The following CRADD variants were observed in gnomAD, a reference collection of about 807,000 sequenced individuals.
CRADD encodes the protein CARD and death domain containing adaptor protein, also known as death domain-containing protein CRADD.
In CRADD, 9 loss-of-function variants were observed where a neutral mutation model predicts 15.5. The ratio of observed to expected loss-of-function variants is 0.58; its 90% CI spans 0.35 to 1.01. CRADD has a LOEUF of 1.01. Among genes scored for constraint, CRADD ranks in the 50% least tolerant of loss-of-function variants. The probability of loss-of-function intolerance (pLI) is 0.02; values close to 1 mark genes in which losing one functional copy is unlikely to be tolerated. For synonymous variants in CRADD, 118 were observed against 107.6 expected, an observed-to-expected ratio of 1.10 and a Z score of -0.60; for missense variants, 227 against 250.3, an observed-to-expected ratio of 0.91 and a Z score of 0.63.
At chr12:93,731,903 G>A (rs542680329) in intron 2 of CRADD, among the ~76,000 whole-genome samples, 1 of 152,294 alleles carries the variant, frequency 6.6e-6, no homozygotes, top group Admixed American at 6.5e-5. Flanking sequence ...TTGGGAGGCT[G>A]AGGCAGGCAG....
At chr12:93,869,472 TAAG>T (rs1958400002) in intron 2 of CRADD, among the ~76,000 whole-genome samples, 1 of 152,094 alleles carries the variant, frequency 6.6e-6, no homozygotes, top group South Asian at 2.1e-4. Context: ...AATTAGCATA[TAAG>T]GACTTTAAAA....
intron 2 of CRADD, among the ~76,000 whole-genome samples, chr12:93,787,523 A>C (rs1252040677): frequency 1.3e-5 from 2 of 151,978 alleles, no homozygotes; most frequent in Non-Finnish European, 2.9e-5. Flanking sequence ...TAGCAAACTC[A>C]GTGTCTTTGT....
At chr12:93,783,619 G>A (rs980513369) in intron 2 of CRADD, among the ~76,000 whole-genome samples, 1 of 152,072 alleles carries the variant, frequency 6.6e-6, no homozygotes, top group Non-Finnish European at 1.5e-5. Flanking sequence ...TCAGAAAAGA[G>A]TAAAAGCCTA....
chr12:93,692,624 C>T (rs1376244778), intron 2 of CRADD, among the ~76,000 whole-genome samples: 1 of 152,020 alleles, frequency 6.6e-6, no homozygotes, highest in Non-Finnish European at 1.5e-5. Context: ...ATAGTGTAGC[C>T]GGCAAAACCG....
chr12:93,783,620 T>C (rs919590797), intron 2 of CRADD, among the ~76,000 whole-genome samples: 55 of 152,226 alleles, frequency 3.6e-4, no homozygotes, highest in African/African-American at 1.3e-3. Flanking sequence ...CAGAAAAGAG[T>C]AAAAGCCTAT....
At chr12:93,782,346 G>T in intron 2 of CRADD, among the ~76,000 whole-genome samples, 1 of 139,552 alleles carries the variant, frequency 7.2e-6, no homozygotes, top group Non-Finnish European at 1.5e-5. Flanking sequence ...CTGTTGTGGG[G>T]TTGGGGGAGG....
intron 2 of CRADD, among the ~76,000 whole-genome samples, chr12:93,781,605 T>A (rs983866842): frequency 1.3e-5 from 2 of 152,236 alleles, no homozygotes; most frequent in African/African-American, 4.8e-5. Context: ...GAACGTTAGT[T>A]ATGCTCCTCC....
chr12:93,795,797 C>T (rs1375110157), intron 2 of CRADD, among the ~76,000 whole-genome samples: 1 of 152,172 alleles, frequency 6.6e-6, no homozygotes, highest in Admixed American at 6.5e-5. Flanking sequence ...TAACGAAAAG[C>T]TATACCCAAA....
chr12:93,740,089 A>AT (rs1956644508), intron 2 of CRADD, among the ~76,000 whole-genome samples: 1 of 152,200 alleles, frequency 6.6e-6, no homozygotes, highest in African/African-American at 2.4e-5. Flanking sequence ...ATTCAAAAAT[A>AT]TATAGAAGTA....
At chr12:93,777,115 C>T (rs1957148595) in intron 2 of CRADD, among the ~76,000 whole-genome samples, 1 of 152,132 alleles carries the variant, frequency 6.6e-6, no homozygotes, top group African/African-American at 2.4e-5. Flanking sequence ...AGGATATGGT[C>T]ATTCTCACGG....
At chr12:93,785,837 G>T (rs765157290) in intron 2 of CRADD, among the ~76,000 whole-genome samples, 3 of 152,186 alleles carry the variant, frequency 2.0e-5, no homozygotes, top group Non-Finnish European at 2.9e-5. Flanking sequence ...TTGTGACCAT[G>T]AACAAGTCAC....
rs138797039 is a variant in CRADD at position 93,781,661 on chromosome 12, T to C, written c.299-68309T>C. 5.0e-3 allele frequency among the ~76,000 whole-genome samples: 767 copies of C among 152,314 alleles called. 1 individual carries two copies. Among genetic ancestry groups the C allele is most frequent in the Admixed American group, 7.6e-3 (117 of 15,304 alleles). ...AAACAGCACCACCTGTGAAGTATTC[T>C]TACCCACATCCCCTCCCTCAACGAG... On this transcript the variant is annotated intron_variant, in intron 2 of 2. Coordinates refer to ENST00000332896, the MANE Select transcript of CRADD (RefSeq NM_003805.5).
intron 2 of CRADD, among the ~76,000 whole-genome samples, chr12:93,682,118 T>G (rs1053669311): frequency 6.6e-6 from 1 of 152,214 alleles, no homozygotes; most frequent in African/African-American, 2.4e-5. Flanking sequence ...TTGTAAATCC[T>G]GGGAAGAGTA....
intron 2 of CRADD, among the ~76,000 whole-genome samples, chr12:93,725,406 T>G (rs1956342372): frequency 6.6e-6 from 1 of 151,812 alleles, no homozygotes; most frequent in Admixed American, 6.6e-5. Flanking sequence ...CTGTCCTGTT[T>G]TGAAGAAAAA....
chr12:93,689,751 G>A (rs1955523896), intron 2 of CRADD, among the ~76,000 whole-genome samples: 3 of 152,102 alleles, frequency 2.0e-5, no homozygotes, highest in Admixed American at 1.3e-4. Flanking sequence ...CTAAATACAA[G>A]ACTTTAAAAG....
chr12:93,891,521 A>G (rs1958576128), intron 2 of CRADD, among the ~76,000 whole-genome samples: 1 of 152,208 alleles, frequency 6.6e-6, no homozygotes, highest in Non-Finnish European at 1.5e-5. Context: ...AATATTTTAC[A>G]GAGTTTGATT....
At chr12:93,688,984 C>A (rs1017717976) in intron 2 of CRADD, among the ~76,000 whole-genome samples, 2 of 152,086 alleles carry the variant, frequency 1.3e-5, no homozygotes, top group Non-Finnish European at 2.9e-5. Context: ...TCTCTCGTAT[C>A]TCTCATTTTA....
At chr12:93,720,619 T>A (rs975634167) in intron 2 of CRADD, among the ~76,000 whole-genome samples, 3 of 152,242 alleles carry the variant, frequency 2.0e-5, no homozygotes, top group African/African-American at 7.2e-5. Flanking sequence ...ACACTAATGA[T>A]TGTTACGTAT....
chr12:93,700,920 C>A (rs989841583), intron 2 of CRADD, among the ~76,000 whole-genome samples: 1 of 149,468 alleles, frequency 6.7e-6, no homozygotes, highest in African/African-American at 2.5e-5. Flanking sequence ...GGATTAAGTC[C>A]TCTCTCATGC....
Sources: allele counts gnomAD v4.1 joint callset (sites outside exome capture counted in the v4.1 genomes callset), GRCh38; gene constraint gnomAD v4.1.1; transcripts MANE v1.5; gene names NCBI Gene and HGNC (gene_info 2026-07-23, HGNC 2026-07-21).